The following AKAP6 variants were observed in gnomAD, a reference collection of about 807,000 sequenced individuals.
The protein encoded by AKAP6 is A-kinase anchor protein 6.
A neutral mutation model predicts 188.5 loss-of-function variants in AKAP6; 58 were observed. The observed-to-expected ratio is 0.31, with a 90% CI of 0.25 to 0.38. The LOEUF is 0.38. Ranked by LOEUF, AKAP6 falls within the 10% of genes least tolerant of loss-of-function variation. The pLI is 1.00. For synonymous variants in AKAP6, 989 were observed against 998.6 expected, an observed-to-expected ratio of 0.99 and a Z score of 0.18; for missense variants, 2,710 against 2,740.0, an observed-to-expected ratio of 0.99 and a Z score of 0.24.
intron 11 of AKAP6, among the ~76,000 whole-genome samples, chr14:32,757,736 C>G (rs2032391913): frequency 6.6e-6 from 1 of 152,164 alleles, no homozygotes; most frequent in Non-Finnish European, 1.5e-5. Context: ...GAGATACAGA[C>G]AGTGAAACAT....
intron 7 of AKAP6, among the ~76,000 whole-genome samples, chr14:32,660,935 T>G (rs59050286): frequency 0.047 from 1,828 of 39,048 alleles, 66 homozygotes; most frequent in Non-Finnish European, 0.061. Flanking sequence ...CCCCCCCCCC[T>G]CCCAATTCCA....
chr14:32,392,251 A>G (rs1288644455), intron 1 of AKAP6, among the ~76,000 whole-genome samples: 1 of 152,204 alleles, frequency 6.6e-6, no homozygotes, highest in Non-Finnish European at 1.5e-5. Flanking sequence ...TTTTGAAATT[A>G]TGTGTCCTTT....
chr14:32,774,554 C>A (rs762013742), intron 12 of AKAP6, among the ~76,000 whole-genome samples: 17 of 152,070 alleles, frequency 1.1e-4, no homozygotes, highest in South Asian at 2.1e-4. Context: ...TAAGCTGTTG[C>A]TAGATGAAGG....
chr14:32,557,013 A>C (rs903040865), intron 4 of AKAP6, among the ~76,000 whole-genome samples: 2 of 152,080 alleles, frequency 1.3e-5, no homozygotes, highest in Non-Finnish European at 2.9e-5. Context: ...TACAAGGCTA[A>C]GACCAAGTCA....
chr14:32,411,464 C>T (rs1212989748), intron 1 of AKAP6, among the ~76,000 whole-genome samples: 1 of 152,156 alleles, frequency 6.6e-6, no homozygotes, highest in Non-Finnish European at 1.5e-5. Flanking sequence ...CTGCCTTCAA[C>T]ATTGGTATCC....
chr14:32,397,132 C>A (rs1274556502), intron 1 of AKAP6, among the ~76,000 whole-genome samples: 1 of 152,088 alleles, frequency 6.6e-6, no homozygotes, highest in South Asian at 2.1e-4. Context: ...TGAGAATTTG[C>A]ATGTTTAAAA....
intron 2 of AKAP6, among the ~76,000 whole-genome samples, chr14:32,491,817 A>G (rs890243025): frequency 3.9e-5 from 6 of 152,236 alleles, no homozygotes; most frequent in Admixed American, 2.0e-4. Flanking sequence ...GACATCAACT[A>G]TGTAATTTTT....
At chr14:32,740,421 G>A (rs937104363) in intron 11 of AKAP6, among the ~76,000 whole-genome samples, 6 of 151,988 alleles carry the variant, frequency 3.9e-5, no homozygotes, top group Non-Finnish European at 8.8e-5. Context: ...TTGTGCTTAT[G>A]AGGTATTGCC....
At chr14:32,566,476 T>G (rs1884191680) in intron 4 of AKAP6, among the ~76,000 whole-genome samples, 1 of 152,206 alleles carries the variant, frequency 6.6e-6, no homozygotes. Context: ...TGAGTCTGCA[T>G]TATCATACAT....
chr14:32,734,034 G>A (rs1188773923), intron 10 of AKAP6: 1 of 152,016 alleles, frequency 6.6e-6, no homozygotes, highest in African/African-American at 2.4e-5. Context: ...TTTGAAAAAA[G>A]AAATAATATT....
intron 12 of AKAP6, among the ~76,000 whole-genome samples, chr14:32,794,567 C>CAAAA (rs1284620275): frequency 2.6e-5 from 4 of 152,032 alleles, no homozygotes; most frequent in Non-Finnish European, 5.9e-5. Flanking sequence ...CTCAAACAAA[C>CAAAA]AAACAAACAA....
intron 2 of AKAP6, among the ~76,000 whole-genome samples, chr14:32,457,537 C>T (rs1265951409): frequency 6.6e-6 from 1 of 152,078 alleles, no homozygotes; most frequent in Non-Finnish European, 1.5e-5. Flanking sequence ...AAATCTTAAC[C>T]TTCTTGTTAA....
chr14:32,755,443 G>A (rs2032294115), intron 11 of AKAP6, among the ~76,000 whole-genome samples: 2 of 151,538 alleles, frequency 1.3e-5, no homozygotes, highest in Admixed American at 1.3e-4. Context: ...TTGTTTGTTA[G>A]TTTTGTTAGT....
chr14:32,681,677 A>ATTTTTTT (rs34833229), intron 8 of AKAP6, among the ~76,000 whole-genome samples: 1 of 138,186 alleles, frequency 7.2e-6, no homozygotes. Context: ...AATTTGACAA[A>ATTTTTTT]TTTTTTTTTT....
At chr14:32,801,305 T>C (rs1394773151) in intron 12 of AKAP6, among the ~76,000 whole-genome samples, 1 of 152,216 alleles carries the variant, frequency 6.6e-6, no homozygotes, top group African/African-American at 2.4e-5. Flanking sequence ...ATATTTCTCT[T>C]TAAAAAATTT....
intron 7 of AKAP6, among the ~76,000 whole-genome samples, chr14:32,607,346 G>T (rs1356850001): frequency 6.6e-6 from 1 of 152,190 alleles, no homozygotes; most frequent in Admixed American, 6.5e-5. Context: ...CACATATACT[G>T]ATGCACATAT....
At chr14:32,592,541 A>G (rs1324193360) in intron 5 of AKAP6, among the ~76,000 whole-genome samples, 2 of 152,140 alleles carry the variant, frequency 1.3e-5, no homozygotes, top group Non-Finnish European at 2.9e-5. Context: ...ACTTTAAGCA[A>G]TCCAGGTACA....
At chr14:32,775,112 A>G (rs1281149329) in intron 12 of AKAP6, among the ~76,000 whole-genome samples, 2 of 152,222 alleles carry the variant, frequency 1.3e-5, no homozygotes, top group African/African-American at 4.8e-5. Flanking sequence ...ATCAGAGTCA[A>G]CATAATTAGA....
At chr14:32,463,517 A>G (rs1319764111) in intron 2 of AKAP6, among the ~76,000 whole-genome samples, 3 of 152,216 alleles carry the variant, frequency 2.0e-5, no homozygotes, top group African/African-American at 7.2e-5. Flanking sequence ...AAAGAGTGAA[A>G]TTAAGGCAGA....
Sources: gnomAD v4.1 joint callset for allele counts (sites outside exome capture counted in the v4.1 genomes callset) on GRCh38, gnomAD v4.1.1 for gene constraint, MANE v1.5 for transcripts, NCBI Gene and HGNC (gene_info 2026-07-23, HGNC 2026-07-21) for gene names.